The following CFAP251 variants were observed in gnomAD, a reference collection of about 807,000 sequenced individuals.
CFAP251 encodes cilia- and flagella-associated protein 251.
In CFAP251, 93 loss-of-function variants were observed where a neutral mutation model predicts 126.7. That is an observed-to-expected ratio of 0.73 (90% CI 0.62 to 0.87). CFAP251 has a LOEUF of 0.87. Among genes scored for constraint, CFAP251 ranks in the 40% least tolerant of loss-of-function variants. The pLI is 0.00. For missense variants in CFAP251, 1,287 were observed against 1,389.2 expected (o/e 0.93, Z 1.17); for synonymous variants, 503 against 506.9 (o/e 0.99, Z 0.10).
intron 17 of CFAP251, among the ~76,000 whole-genome samples, chr12:121,970,310 T>C (rs888792176): frequency 1.3e-5 from 2 of 152,172 alleles, no homozygotes; most frequent in Non-Finnish European, 2.9e-5. Flanking sequence ...CATTACTTTT[T>C]TGTGCTCATC....
Position 121,923,660 on chromosome 12 carries a change from A to G in CFAP251, c.417A>G (p.Gln139=), listed in dbSNP as rs1276839028. Reference sequence around the variant, plus strand: ...GTAGCAAGTCAAAGCTTTCCTTACAATTGGAGGATGCAGAAACAGATGAGC... The same window carrying G: ...GTAGCAAGTCAAAGCTTTCCTTACAGTTGGAGGATGCAGAAACAGATGAGC... ...QRGSKSKLSL[Q]LEDAETDELL... Residue 139 remains glutamine, a synonymous_variant, in exon 3 of 22, where the codon CAA becomes CAG. Transcript: ENST00000288912. 6.2e-7 allele frequency: 1 copy of G among 1,613,188 alleles called. No homozygotes were observed. Among genetic ancestry groups the G allele is most frequent in the Non-Finnish European group, 8.5e-7 (1 of 1,179,792 alleles).
intron 17 of CFAP251, chr12:121,971,745 C>G: frequency 1.6e-6 from 1 of 636,194 alleles, no homozygotes; most frequent in South Asian, 1.7e-5. Context: ...ACTTTTGTCT[C>G]CAATCTTTGT....
intron 3 of CFAP251, among the ~76,000 whole-genome samples, chr12:121,928,845 C>T (rs930608604): frequency 6.6e-6 from 1 of 151,496 alleles, no homozygotes; most frequent in Non-Finnish European, 1.5e-5. Context: ...TACAGGTGCA[C>T]ACCACCATGC....
At position 122,001,828 on chromosome 12, in the gene CFAP251, T is replaced by A. The variant is rs116209562; in HGVS notation, c.3337+230T>A. 3.0e-3 allele frequency: 1,624 copies of A among 547,390 alleles called. 24 individuals carry two copies. The highest frequency in any genetic ancestry group is 0.028 in the African/African-American group (1,458 of 52,854). 33.9% of individuals were successfully genotyped at this position (547,390 alleles called of 1,614,324 possible). A position where few individuals can be genotyped will look rare whatever the true frequency, so the allele number is the denominator to read the frequency against. On this transcript the variant is annotated intron_variant, in intron 21 of 21. Transcript: ENST00000288912. ...TGTTTCTTCTGGGCTTATTTTCCCTTTGTTCCACTGACCTGTCATCTTGCC... is the reference window on the plus strand; with the variant it reads ...TGTTTCTTCTGGGCTTATTTTCCCTATGTTCCACTGACCTGTCATCTTGCC...
chr12:121,967,073 A>T lies in CFAP251; in HGVS notation c.2607+4A>T. On this transcript the variant is annotated splice_donor_region_variant and intron_variant, in intron 16 of 21. Coordinates refer to ENST00000288912, the MANE Select transcript of CFAP251 (RefSeq NM_144668.6). ...GGTGTTTATTAACAGAGACAAGGTA[A>T]CAGCGCTCTCTTCTCCAGTTCTGGG... 1 of 1,612,586 alleles carries T rather than the reference A, an allele frequency of 6.2e-7. No individual in the cohort carries two copies. The highest frequency in any genetic ancestry group is 1.7e-5 in the Admixed American group (1 of 60,026).
chr12:121,981,935 A>G (rs979230149), intron 19 of CFAP251, among the ~76,000 whole-genome samples: 8 of 152,178 alleles, frequency 5.3e-5, no homozygotes, highest in African/African-American at 1.7e-4. Flanking sequence ...ATTATTGTGA[A>G]GATTAACTGA....
In CFAP251 at chr12:121,966,646, C is replaced by T. The variant is rs554541030; in HGVS notation, c.2493-309C>T. Among the ~76,000 whole-genome samples the T allele has an allele frequency of 1.6e-3, 228 of 144,204 alleles. 1 individual carries two copies. The highest frequency in any genetic ancestry group is 3.0e-3 in the Non-Finnish European group (196 of 66,438). The allele number at this position is 144,204 out of a possible 152,430, so 94.6% of individuals were successfully genotyped here. ...TGTCACCTAGGCTGGAGTACAGTGGCGTAATCTCAGCTCACTGCAGCCTCC... is the reference window on the plus strand; with the variant it reads ...TGTCACCTAGGCTGGAGTACAGTGGTGTAATCTCAGCTCACTGCAGCCTCC... On this transcript the variant is annotated intron_variant, in intron 15 of 21. Coordinates refer to ENST00000288912, the MANE Select transcript of CFAP251 (RefSeq NM_144668.6).
chr12:121,962,003 A>G lies in CFAP251; in HGVS notation c.2333A>G (p.Tyr778Cys), dbSNP rs778072457. Reference sequence around the variant, plus strand: ...ATAGAGTATGATCTTCTCAGGAGCTACAAAGACCACCTGGAAGTCCTGGAC... The same window carrying G: ...ATAGAGTATGATCTTCTCAGGAGCTGCAAAGACCACCTGGAAGTCCTGGAC... ...LLIEYDLLRS[Y>C]KDHLEVLDIH... Residue 778 changes from tyrosine to cysteine, a missense_variant, in exon 15 of 22, where the codon TAC becomes TGC. By Grantham distance (194) the Tyr-to-Cys change is radical. Transcript: ENST00000288912. The G allele has an allele frequency of 2.2e-5, 36 of 1,613,672 alleles. No individual in the cohort carries two copies. In the Admixed American group the frequency reaches 6.0e-4, roughly 27 times the overall value.
At position 122,003,862 on chromosome 12, in the gene CFAP251, C is replaced by T. The variant is rs1883199573; in HGVS notation, c.*98C>T. 1 of 832,174 alleles carries T rather than the reference C, an allele frequency of 1.2e-6. No homozygotes were observed. Among genetic ancestry groups the T allele is most frequent in the Non-Finnish European group, 1.8e-6 (1 of 556,684 alleles). 51.5% of individuals were successfully genotyped at this position (832,174 alleles called of 1,614,324 possible). The stretch of plus-strand genomic sequence containing the variant: ...GCACTGCTTTTTATGCATTTCCCTC[C>T]CCCCTCTCATCTTTAGAACATTTAG... On this transcript the variant is annotated 3_prime_UTR_variant, in exon 22 of 22. Transcript: ENST00000288912.
chr12:121,943,548 G>T (rs962260183), intron 7 of CFAP251, among the ~76,000 whole-genome samples: 1 of 151,794 alleles, frequency 6.6e-6, no homozygotes, highest in Non-Finnish European at 1.5e-5. Flanking sequence ...TCAGCCTCCC[G>T]AGTAGCTGGG....
At chr12:121,939,518 T>C (rs560700431) in intron 5 of CFAP251, among the ~76,000 whole-genome samples, 1 of 152,136 alleles carries the variant, frequency 6.6e-6, no homozygotes, top group South Asian at 2.1e-4. Flanking sequence ...AGCTGCCCCG[T>C]TATGATGTGG....
rs1460337763 is a variant in CFAP251 at position 121,985,803 on chromosome 12, T to C, written c.3006+10118T>C. Among the ~76,000 whole-genome samples the C allele has an allele frequency of 6.6e-5, 10 of 151,794 alleles. No individual in the cohort carries two copies. In the East Asian group the frequency reaches 1.7e-3, roughly 26 times the overall value. On this transcript the variant is annotated intron_variant, in intron 19 of 21. Transcript: ENST00000288912. ...GTCACATAGTCTATTGTGTTGAAAA[T>C]CAAAACAACACTGATATCCATTGAT...
chr12:121,920,415 G>C (rs988048503), intron 1 of CFAP251, among the ~76,000 whole-genome samples: 1 of 89,396 alleles, frequency 1.1e-5, no homozygotes, highest in African/African-American at 4.5e-5. Context: ...TTTTTTTTTT[G>C]AGACGGAGTC....
chr12:121,957,010 G>A (rs1881748911), intron 10 of CFAP251, 64 bp from the exon 11 acceptor site: 2 of 1,272,888 alleles, frequency 1.6e-6, no homozygotes, highest in East Asian at 2.4e-5. Context: ...ATATAATTAG[G>A]TATTATATAG....
chr12:121,930,813 A>G (rs1880654507), intron 3 of CFAP251, among the ~76,000 whole-genome samples: 1 of 145,390 alleles, frequency 6.9e-6, no homozygotes, highest in African/African-American at 2.6e-5. Context: ...CAGTGGCACG[A>G]TCTTAGCTCA....
rs1446918750 is a variant in CFAP251 at position 121,921,298 on chromosome 12, A to G, written c.-8A>G. On this transcript the variant is annotated 5_prime_UTR_variant, in exon 2 of 22. Transcript: ENST00000288912. Reference sequence around the variant, plus strand: ...AAAATCTCTCTAGAGGAAACTCTACAGAGAAGAATGTCAGATGCAGCAGAA... The same window carrying G: ...AAAATCTCTCTAGAGGAAACTCTACGGAGAAGAATGTCAGATGCAGCAGAA... 2.5e-6 allele frequency: 4 copies of G among 1,572,614 alleles called. No individual in the cohort carries two copies. The highest frequency in any genetic ancestry group is 4.0e-5 in the Admixed American group (2 of 50,156).
intron 17 of CFAP251, chr12:121,971,850 T>C: frequency 2.1e-6 from 1 of 477,850 alleles, no homozygotes; most frequent in Non-Finnish European, 3.9e-6. Context: ...TGGGAGATGG[T>C]TGGATGGTGG....
Position 121,954,652 on chromosome 12 carries a change from A to AAAAAAAC in CFAP251, c.1535+324_1535+325insCAAAAAA, listed in dbSNP as rs1881657889. ...CTCCTGTCTTAAAAAAAAAAAAAAA[A>AAAAAAAC]AAAAAAAAAAAAAAAACCTCTTTTG... On this transcript the variant is annotated intron_variant, in intron 10 of 21. Transcript: ENST00000288912. 2.0e-5 allele frequency among the ~76,000 whole-genome samples: 3 copies of AAAAAAAC among 149,132 alleles called. 1 individual carries two copies. Among genetic ancestry groups the AAAAAAAC allele is most frequent in the Admixed American group, 1.3e-4 (2 of 15,002 alleles).
chr12:121,942,707 C>T, intron 6 of CFAP251, 62 bp downstream of exon 6: 7 of 1,376,412 alleles, frequency 5.1e-6, no homozygotes, highest in East Asian at 2.4e-5. Flanking sequence ...AGCGTGTCCC[C>T]ATGGGCAGCT....
Sources: allele counts gnomAD v4.1 joint callset (sites outside exome capture counted in the v4.1 genomes callset), GRCh38; gene constraint gnomAD v4.1.1; transcripts MANE v1.5; gene names NCBI Gene and HGNC (gene_info 2026-07-23, HGNC 2026-07-21).